SCHIP1: variants seen among roughly 807,000 people sequenced by gnomAD.
SCHIP1 encodes schwannomin interacting protein 1.
Under a neutral mutation model 29.7 loss-of-function variants are expected in SCHIP1, and 8 were observed. That is an observed-to-expected ratio of 0.27 (90% CI 0.16 to 0.49). The LOEUF (loss-of-function observed/expected upper bound fraction) is 0.49. Among genes scored for constraint, SCHIP1 ranks in the 20% least tolerant of loss-of-function variants. SCHIP1 has a pLI of 0.99. For synonymous variants in SCHIP1, 76 were observed against 94.9 expected (o/e 0.80, Z 1.16); for missense variants, 193 against 294.6 (o/e 0.66, Z 2.52).
the SCHIP1 span, among the ~76,000 whole-genome samples, chr3:159,730,351 A>G: frequency 6.6e-6 from 1 of 152,196 alleles, no homozygotes; most frequent in South Asian, 2.1e-4. Flanking sequence ...TAGGTTTGAC[A>G]TGAGAATTGA....
the SCHIP1 span, among the ~76,000 whole-genome samples, chr3:159,648,418 T>A: frequency 3.9e-3 from 599 of 152,306 alleles, 5 homozygotes; most frequent in African/African-American, 0.014. Flanking sequence ...AGTTTCCTAT[T>A]TCTTAAATAA....
At chr3:159,467,344 G>A in the SCHIP1 span, among the ~76,000 whole-genome samples, 1 of 151,920 alleles carries the variant, frequency 6.6e-6, no homozygotes, top group Non-Finnish European at 1.5e-5. Flanking sequence ...GAGCATCCTT[G>A]TACATTCATT....
chr3:159,500,515 C>G, the SCHIP1 span, among the ~76,000 whole-genome samples: 11 of 152,130 alleles, frequency 7.2e-5, no homozygotes, highest in East Asian at 1.9e-3. Flanking sequence ...AGATCGAGAC[C>G]ATCCTGGCCA....
At chr3:159,826,144 T>C in the SCHIP1 span, among the ~76,000 whole-genome samples, 3 of 152,170 alleles carry the variant, frequency 2.0e-5, no homozygotes, top group African/African-American at 7.2e-5. Flanking sequence ...CTGATTATGT[T>C]TTTAGAAGTA....
At chr3:159,596,909 G>C in the SCHIP1 span, among the ~76,000 whole-genome samples, 1 of 151,550 alleles carries the variant, frequency 6.6e-6, no homozygotes, top group African/African-American at 2.4e-5. Context: ...TAACAAACCT[G>C]CATGTTGTGC....
the SCHIP1 span, among the ~76,000 whole-genome samples, chr3:159,391,875 T>C: frequency 6.6e-6 from 1 of 152,196 alleles, no homozygotes. Context: ...AGCAAGTTAA[T>C]GGCATAACAG....
At chr3:159,765,029 C>A in the SCHIP1 span, 6 of 1,544,418 alleles carry the variant, frequency 3.9e-6, no homozygotes, top group Non-Finnish European at 5.2e-6. Context: ...CCCGAAGAGC[C>A]CCCGGTGCCA....
At chr3:159,662,441 C>T in the SCHIP1 span, among the ~76,000 whole-genome samples, 3 of 152,146 alleles carry the variant, frequency 2.0e-5, no homozygotes, top group Non-Finnish European at 4.4e-5. Flanking sequence ...AATTTAATTC[C>T]TATGAACCAC....
chr3:159,809,112 T>A, the SCHIP1 span, among the ~76,000 whole-genome samples: 2 of 151,872 alleles, frequency 1.3e-5, no homozygotes, highest in African/African-American at 4.8e-5. Context: ...CATTAGGTAT[T>A]CTCCTAATGC....
At chr3:159,480,949 G>A in the SCHIP1 span, among the ~76,000 whole-genome samples, 2 of 152,094 alleles carry the variant, frequency 1.3e-5, no homozygotes, top group African/African-American at 4.8e-5. Flanking sequence ...GTAGGTAGTG[G>A]AAAATTACAG....
chr3:159,375,669 G>A, the SCHIP1 span: 10 of 271,308 alleles, frequency 3.7e-5, no homozygotes, highest in Admixed American at 1.3e-4. Flanking sequence ...CCCGGGAGGC[G>A]GAGGTTGCAG....
the SCHIP1 span, among the ~76,000 whole-genome samples, chr3:159,527,672 T>A: frequency 6.6e-6 from 1 of 152,380 alleles, no homozygotes; most frequent in South Asian, 2.1e-4. Flanking sequence ...AGTTTATATA[T>A]GGCCAATTGT....
the SCHIP1 span, among the ~76,000 whole-genome samples, chr3:159,733,532 C>T: frequency 6.6e-6 from 1 of 152,132 alleles, no homozygotes; most frequent in Non-Finnish European, 1.5e-5. Flanking sequence ...CCTCTTTCCT[C>T]CTAGTTGAGT....
the SCHIP1 span, among the ~76,000 whole-genome samples, chr3:159,788,825 G>A: frequency 1.3e-5 from 2 of 151,956 alleles, no homozygotes; most frequent in Non-Finnish European, 1.5e-5. Context: ...ATAACCAATA[G>A]GGTATAATAT....
chr3:159,790,003 G>A, the SCHIP1 span, among the ~76,000 whole-genome samples: 2 of 152,070 alleles, frequency 1.3e-5, no homozygotes, highest in Non-Finnish European at 2.9e-5. Context: ...TGATTTAATT[G>A]CTGCAACCGC....
chr3:159,356,409 G>A, the SCHIP1 span, among the ~76,000 whole-genome samples: 2 of 152,168 alleles, frequency 1.3e-5, no homozygotes, highest in African/African-American at 4.8e-5. Context: ...GGTTGTGCTC[G>A]GGCTTTGATG....
At chr3:159,612,883 C>T in the SCHIP1 span, among the ~76,000 whole-genome samples, 3 of 152,234 alleles carry the variant, frequency 2.0e-5, no homozygotes, top group East Asian at 5.8e-4. Flanking sequence ...TTATTTTTCC[C>T]TTATTTAATC....
the SCHIP1 span, among the ~76,000 whole-genome samples, chr3:159,573,441 C>A: frequency 2.0e-5 from 3 of 152,196 alleles, no homozygotes; most frequent in Admixed American, 6.5e-5. Flanking sequence ...TTGGCCCCCA[C>A]TCTCTTCTGG....
At chr3:159,744,498 A>G in the SCHIP1 span, among the ~76,000 whole-genome samples, 1 of 152,256 alleles carries the variant, frequency 6.6e-6, no homozygotes, top group African/African-American at 2.4e-5. Flanking sequence ...GAACTTATCT[A>G]TAAATTACAT....
Sources: allele counts gnomAD v4.1 joint callset (sites outside exome capture counted in the v4.1 genomes callset), GRCh38; gene constraint gnomAD v4.1.1; transcripts MANE v1.5; gene names NCBI Gene and HGNC (gene_info 2026-07-23, HGNC 2026-07-21).